Variants in OPRM1 observed in about 807,000 individuals in gnomAD.
The protein encoded by OPRM1 is opioid receptor mu 1.
In OPRM1, 27 loss-of-function variants were observed where a neutral mutation model predicts 31.8. That is an observed-to-expected ratio of 0.85 (90% CI 0.63 to 1.17). The LOEUF (loss-of-function observed/expected upper bound fraction) is 1.17. OPRM1 is among the 50% of genes most tolerant of loss of function. OPRM1 has a pLI of 0.00. For missense variants in OPRM1, 536 were observed against 511.1 expected (o/e 1.05, Z -0.47); for synonymous variants, 196 against 189.9 (o/e 1.03, Z -0.26).
At chr6:154,058,907 G>A (rs1267007226) in intron 1 of OPRM1, among the ~76,000 whole-genome samples, 2 of 152,162 alleles carry the variant, frequency 1.3e-5, no homozygotes, top group African/African-American at 4.8e-5. Flanking sequence ...GAAAATTTGT[G>A]TAATAAGCCC....
intron 3 of OPRM1, among the ~76,000 whole-genome samples, chr6:154,186,564 C>CT (rs144402482): frequency 0.081 from 12,061 of 149,268 alleles, 936 homozygotes; most frequent in East Asian, 0.42. Context: ...CTTTTTTTCT[C>CT]TTTTTTTTTT....
chr6:154,103,890 A>C (rs1351849743), intron 3 of OPRM1, among the ~76,000 whole-genome samples: 1 of 151,950 alleles, frequency 6.6e-6, no homozygotes, highest in Non-Finnish European at 1.5e-5. Flanking sequence ...GGTCTTTATG[A>C]CCTGTATTTT....
At position 154,124,265 on chromosome 6, in the gene OPRM1, T is replaced by C. The variant is rs1797461833; in HGVS notation, c.*5544T>C. 6.6e-6 allele frequency among the ~76,000 whole-genome samples: 1 copy of C among 152,238 alleles called. No homozygotes were observed. Among genetic ancestry groups the C allele is most frequent in the African/African-American group, 2.4e-5 (1 of 41,458 alleles). On this transcript the variant is annotated 3_prime_UTR_variant, in exon 4 of 4. Coordinates refer to ENST00000330432, the MANE Select transcript of OPRM1 (RefSeq NM_000914.5). ...TTGAAAGCATCTTCTGACTCAAATA[T>C]ATGAAAAGATTATTCTAGACCTTAG...
At chr6:154,074,620 C>T (rs763771992) in intron 1 of OPRM1, among the ~76,000 whole-genome samples, 50 of 152,058 alleles carry the variant, frequency 3.3e-4, no homozygotes, top group Non-Finnish European at 4.7e-4. Flanking sequence ...ATTAGCCAGG[C>T]GTGGTGGTAC....
At chr6:154,108,704 C>T in intron 3 of OPRM1, 2 of 845,806 alleles carry the variant, frequency 2.4e-6, no homozygotes, top group South Asian at 1.1e-4. Flanking sequence ...AGAGGGGTCT[C>T]TAACACCCTA....
intron 3 of OPRM1, among the ~76,000 whole-genome samples, chr6:154,142,115 C>A (rs1365239497): frequency 8.0e-5 from 4 of 49,852 alleles, no homozygotes; most frequent in Non-Finnish European, 1.9e-4. Context: ...CCCCTCCAAC[C>A]TCTGGCCGTC....
chr6:154,090,979 C>G lies in OPRM1; in HGVS notation c.671C>G (p.Ser224Cys), dbSNP rs200745305. 51 of 1,613,804 alleles carry G rather than the reference C, an allele frequency of 3.2e-5. No individual in the cohort carries two copies. The highest frequency in any genetic ancestry group is 4.0e-5 in the Non-Finnish European group (47 of 1,179,892). ...QGSIDCTLTF[S>C]HPTWYWENLL... is the part of the protein sequence containing the mutation. ...TCCATAGATTGTACACTAACATTCTCTCATCCAACCTGGTACTGGGAAAAC... is the reference window on the plus strand; with the variant it reads ...TCCATAGATTGTACACTAACATTCTGTCATCCAACCTGGTACTGGGAAAAC... The change falls in exon 3 of 4, where the codon TCT (serine) becomes TGT (cysteine). Residue 224 changes from serine to cysteine, a missense_variant. Ser to Cys is a moderately radical substitution (Grantham distance 112). Transcript: ENST00000330432.
At chr6:154,141,547 GAC>G (rs1353367518) in intron 3 of OPRM1, among the ~76,000 whole-genome samples, 2 of 152,220 alleles carry the variant, frequency 1.3e-5, no homozygotes, top group Non-Finnish European at 2.9e-5. Context: ...GTGCAGCTGT[GAC>G]ACAGCCTCAG....
At chr6:154,104,365 A>T (rs1795287540) in intron 3 of OPRM1, among the ~76,000 whole-genome samples, 1 of 152,268 alleles carries the variant, frequency 6.6e-6, no homozygotes. Flanking sequence ...AAATGAAGTT[A>T]TTCCAAGTAA....
chr6:154,208,180 G>A (rs554914116), intron 3 of OPRM1, among the ~76,000 whole-genome samples: 99 of 150,480 alleles, frequency 6.6e-4, no homozygotes, highest in Middle Eastern at 3.4e-3. Flanking sequence ...TGCCCTCCAC[G>A]ATATGGCTAC....
At chr6:154,087,519 G>T (rs1790891908) in intron 1 of OPRM1, 4 of 985,380 alleles carry the variant, frequency 4.1e-6, no homozygotes, top group Non-Finnish European at 4.8e-6. Context: ...ACATCCTCCG[G>T]ATTAGGTCCA....
intron 1 of OPRM1, among the ~76,000 whole-genome samples, chr6:154,068,957 T>G (rs767621853): frequency 3.3e-5 from 5 of 152,260 alleles, no homozygotes; most frequent in Admixed American, 6.5e-5. Context: ...TGATGATTAC[T>G]GATGTTAAAC....
chr6:154,235,533 A>T (rs1373346239), intron 3 of OPRM1, among the ~76,000 whole-genome samples: 14 of 144,482 alleles, frequency 9.7e-5, no homozygotes, highest in Non-Finnish European at 3.0e-5. Context: ...CTCTGTCACA[A>T]AAAAAAAAAA....
Position 154,039,348 on chromosome 6 carries a change from C to A in OPRM1, c.-197C>A. The A allele has an allele frequency of 6.5e-7, 1 of 1,546,420 alleles. No homozygotes were observed. Among genetic ancestry groups the A allele is most frequent in the Non-Finnish European group, 8.7e-7 (1 of 1,143,866 alleles). ...ACTACTAAGGTGGGAGGGGGCTATA[C>A]GCAGAGGAGAATGTCAGATGCTCAG... On this transcript the variant is annotated 5_prime_UTR_variant, in exon 1 of 4. Coordinates refer to ENST00000330432, the MANE Select transcript of OPRM1 (RefSeq NM_000914.5).
intron 3 of OPRM1, among the ~76,000 whole-genome samples, chr6:154,102,922 A>G (rs1795057306): frequency 6.7e-6 from 1 of 149,384 alleles, no homozygotes; most frequent in African/African-American, 2.5e-5. Flanking sequence ...CAGTTGCAAA[A>G]AAAAAAAAAA....
chr6:154,052,897 A>G (rs1030424551), intron 1 of OPRM1, among the ~76,000 whole-genome samples: 4 of 152,212 alleles, frequency 2.6e-5, no homozygotes, highest in Admixed American at 6.5e-5. Context: ...AGAAAATAGC[A>G]ACACAAATAT....
At chr6:154,038,103 G>C (rs1779425882), upstream of OPRM1, among the ~76,000 whole-genome samples, 1 of 152,222 alleles carries the variant, frequency 6.6e-6, no homozygotes, top group South Asian at 2.1e-4. Flanking sequence ...GATTAATAGA[G>C]TTTACCTATG....
intron 3 of OPRM1, chr6:154,108,825 C>G: frequency 1.0e-6 from 1 of 985,208 alleles, no homozygotes; most frequent in Non-Finnish European, 1.2e-6. Flanking sequence ...TGCTTGATAA[C>G]CTCGGTGATA....
chr6:154,191,889 A>G (rs1259464879), intron 3 of OPRM1, among the ~76,000 whole-genome samples: 1 of 152,222 alleles, frequency 6.6e-6, no homozygotes, highest in Non-Finnish European at 1.5e-5. Context: ...CTATAAATCA[A>G]AAAGTGCTCT....
Sources: allele counts gnomAD v4.1 joint callset (sites outside exome capture counted in the v4.1 genomes callset), GRCh38; gene constraint gnomAD v4.1.1; transcripts MANE v1.5; gene names NCBI Gene and HGNC (gene_info 2026-07-23, HGNC 2026-07-21).